Variants in FMN1 observed in about 807,000 individuals in gnomAD.
FMN1 encodes formin-1.
A neutral mutation model predicts 132.4 loss-of-function variants in FMN1; 110 were observed. The ratio of observed to expected loss-of-function variants is 0.83; its 90% CI spans 0.71 to 0.97. The LOEUF is 0.97. Ranked by LOEUF, FMN1 falls within the 50% of genes least tolerant of loss-of-function variation. The pLI is 0.00. For synonymous variants in FMN1, 722 were observed against 651.7 expected (o/e 1.11, Z -1.64); for missense variants, 1,792 against 1,705.3 (o/e 1.05, Z -0.90).
At chr15:33,111,766 G>C (rs2039714473) in intron 4 of FMN1, among the ~76,000 whole-genome samples, 1 of 149,164 alleles carries the variant, frequency 6.7e-6, no homozygotes, top group Non-Finnish European at 1.5e-5. Context: ...AAGAAGCTCA[G>C]TGATAACTTG....
At chr15:33,057,986 T>TGGGGCTGGTGGTGGAAAGGCGTGGC (rs904290059) in intron 6 of FMN1, among the ~76,000 whole-genome samples, 1 of 150,774 alleles carries the variant, frequency 6.6e-6, no homozygotes, top group African/African-American at 2.4e-5. Flanking sequence ...AAAAGTATGA[T>TGGGGCTGGTGGTGGAAAGGCGTGGC]GGGGCTGGTG....
chr15:32,985,078 G>C (rs373808196), intron 7 of FMN1, among the ~76,000 whole-genome samples: 1 of 150,898 alleles, frequency 6.6e-6, no homozygotes. Context: ...CAAATGTTGC[G>C]CGAAAGGATT....
At chr15:32,795,464 G>C (rs768137923) in intron 19 of FMN1, among the ~76,000 whole-genome samples, 1 of 152,080 alleles carries the variant, frequency 6.6e-6, no homozygotes, top group African/African-American at 2.4e-5. Flanking sequence ...TAGAGATTTT[G>C]AGCTAGAAGA....
chr15:33,126,866 A>T (rs970443885), intron 4 of FMN1, among the ~76,000 whole-genome samples: 1 of 152,162 alleles, frequency 6.6e-6, no homozygotes, highest in Non-Finnish European at 1.5e-5. Context: ...AGGAAAACTG[A>T]TACCCATAAA....
intron 6 of FMN1, among the ~76,000 whole-genome samples, chr15:33,030,407 A>G (rs1333186734): frequency 6.6e-6 from 1 of 152,222 alleles, no homozygotes; most frequent in South Asian, 2.1e-4. Context: ...GAATCCCCAA[A>G]GAACTGAAAA....
At chr15:32,973,479 A>G (rs1474057758) in intron 7 of FMN1, among the ~76,000 whole-genome samples, 1 of 152,208 alleles carries the variant, frequency 6.6e-6, no homozygotes, top group Non-Finnish European at 1.5e-5. Flanking sequence ...ATAAGAAGGA[A>G]AACAATGAAT....
Position 33,153,435 on chromosome 15 carries a change from G to A in FMN1, c.1480C>T (p.Pro494Ser). 2 of 1,536,786 alleles carry A rather than the reference G, an allele frequency of 1.3e-6. No homozygotes were observed. The highest frequency in any genetic ancestry group is 1.7e-6 in the Non-Finnish European group (2 of 1,147,012). Reference protein sequence around the residue: ...QPRGDKKKPSPPAPAALGKVF... With the variant: ...QPRGDKKKPSSPAPAALGKVF... Reference sequence around the variant, plus strand: ...TTGCCAAGAGCTGCCGGTGCTGGTGGGGATGGCTTCTTCTTATCACCTCTG... The same window carrying A: ...TTGCCAAGAGCTGCCGGTGCTGGTGAGGATGGCTTCTTCTTATCACCTCTG... Residue 494 changes from proline (P) to serine (S), a missense_variant, in exon 4 of 21, where the codon CCA (proline) becomes TCA (serine). Around this residue, in one of 3 missense-constraint regions of FMN1, gnomAD observed 638 missense variants for 645.2 expected, o/e 0.99. Coordinates refer to ENST00000616417, the MANE Select transcript of FMN1 (RefSeq NM_001277313.2).
intron 9 of FMN1, among the ~76,000 whole-genome samples, chr15:32,932,629 T>C (rs1367448521): frequency 6.6e-6 from 1 of 152,230 alleles, no homozygotes; most frequent in Non-Finnish European, 1.5e-5. Flanking sequence ...GCCATCTGGT[T>C]CTGGGCTTTT....
At chr15:33,151,203 G>A in intron 4 of FMN1, 1 of 1,525,126 alleles carries the variant, frequency 6.6e-7, no homozygotes, top group Admixed American at 2.0e-5. Flanking sequence ...GTAATGGCTG[G>A]AGGCCCTATA....
intron 6 of FMN1, among the ~76,000 whole-genome samples, chr15:33,058,691 G>A (rs1017532416): frequency 6.6e-5 from 10 of 152,304 alleles, no homozygotes; most frequent in African/African-American, 2.4e-4. Context: ...AGCCAGGATG[G>A]CCTCATATGC....
chr15:33,169,630 A>G (rs1965236461), intron 3 of FMN1, among the ~76,000 whole-genome samples: 1 of 151,980 alleles, frequency 6.6e-6, no homozygotes, highest in East Asian at 1.9e-4. Flanking sequence ...TTTCAAAGAC[A>G]CTTTGAAATA....
At chr15:33,068,853 C>T (rs1254195731) in intron 5 of FMN1, among the ~76,000 whole-genome samples, 1 of 152,148 alleles carries the variant, frequency 6.6e-6, no homozygotes, top group Non-Finnish European at 1.5e-5. Flanking sequence ...GCCCAGGCTC[C>T]GCAGGAATGA....
chr15:33,083,977 G>A (rs565723602), intron 5 of FMN1, among the ~76,000 whole-genome samples: 2 of 152,276 alleles, frequency 1.3e-5, no homozygotes, highest in African/African-American at 4.8e-5. Context: ...GTTTGCAAAT[G>A]CCATGGTCAT....
intron 19 of FMN1, among the ~76,000 whole-genome samples, chr15:32,777,148 G>A (rs139613476): frequency 8.5e-5 from 13 of 152,230 alleles, no homozygotes; most frequent in Non-Finnish European, 1.6e-4. Flanking sequence ...TTCTTCACCA[G>A]CTGAAGCCTG....
At chr15:33,019,292 C>T (rs1352993884) in intron 6 of FMN1, among the ~76,000 whole-genome samples, 2 of 152,162 alleles carry the variant, frequency 1.3e-5, no homozygotes, top group Non-Finnish European at 2.9e-5. Flanking sequence ...CTGAGCGGGA[C>T]ACAGAGTGCT....
At chr15:32,779,572 T>C (rs981657152) in intron 19 of FMN1, among the ~76,000 whole-genome samples, 4 of 152,114 alleles carry the variant, frequency 2.6e-5, no homozygotes, top group African/African-American at 9.7e-5. Flanking sequence ...AAAAGAATTA[T>C]AAACAGACAC....
chr15:33,088,729 T>G, intron 5 of FMN1, 70 bp downstream of exon 5: 1 of 1,310,502 alleles, frequency 7.6e-7, no homozygotes, highest in Non-Finnish European at 1.0e-6. Flanking sequence ...CAATTTACAT[T>G]AAATACATAT....
intron 19 of FMN1, among the ~76,000 whole-genome samples, chr15:32,794,785 C>T (rs1182264036): frequency 1.3e-5 from 2 of 152,098 alleles, no homozygotes; most frequent in African/African-American, 4.8e-5. Context: ...GGCAAAGTTG[C>T]TTCTGAGGAT....
At chr15:32,813,300 T>A (rs1237544640) in intron 17 of FMN1, among the ~76,000 whole-genome samples, 1 of 152,186 alleles carries the variant, frequency 6.6e-6, no homozygotes, top group Non-Finnish European at 1.5e-5. Context: ...CTGTGATCAA[T>A]AGTAACTACT....
Sources: allele counts gnomAD v4.1 joint callset (sites outside exome capture counted in the v4.1 genomes callset), GRCh38; gene constraint gnomAD v4.1.1; regional missense constraint gnomAD v4.1.1; transcripts MANE v1.5; gene names NCBI Gene and HGNC (gene_info 2026-07-23, HGNC 2026-07-21).